Variants in SLCO3A1 observed in about 807,000 individuals in gnomAD.
SLCO3A1 encodes the protein PGE1 transporter.
A neutral mutation model predicts 63.1 loss-of-function variants in SLCO3A1; 27 were observed. The observed-to-expected ratio is 0.43, with a 90% CI of 0.32 to 0.59. The LOEUF is 0.59. SLCO3A1 is among the 20% of genes least tolerant of loss of function. SLCO3A1 has a pLI of 0.09. For synonymous variants in SLCO3A1, 473 were observed against 409.9 expected (o/e 1.15, Z -1.86); for missense variants, 773 against 945.8 (o/e 0.82, Z 2.40).
At chr15:92,006,295 G>A (rs1484207163) in intron 2 of SLCO3A1, among the ~76,000 whole-genome samples, 3 of 152,188 alleles carry the variant, frequency 2.0e-5, no homozygotes, top group African/African-American at 7.2e-5. Flanking sequence ...GCCTGACCAA[G>A]AGCTCAGAGG....
rs1167632784 is a variant in SLCO3A1, at chr15:92,084,304, C to T, written c.647-10577C>T. On this transcript the variant is annotated intron_variant, in intron 2 of 9. Coordinates refer to ENST00000318445, the MANE Select transcript of SLCO3A1 (RefSeq NM_013272.4). The stretch of plus-strand genomic sequence containing the variant: ...CTGTTAGAGGCACCAGTAAGAAGAA[C>T]AAATAACAGCTGATGGTTTTTGAGA... Among the ~76,000 whole-genome samples, 3 of 152,146 alleles carry T rather than the reference C, an allele frequency of 2.0e-5. No homozygotes were observed. In the East Asian group the frequency reaches 5.8e-4, roughly 29 times the overall value.
At chr15:92,099,375 T>G (rs1808183996) in intron 3 of SLCO3A1, among the ~76,000 whole-genome samples, 1 of 152,086 alleles carries the variant, frequency 6.6e-6, no homozygotes, top group Admixed American at 6.5e-5. Flanking sequence ...TGTAACTTAA[T>G]GATACTCTTG....
intron 2 of SLCO3A1, among the ~76,000 whole-genome samples, chr15:92,093,966 TC>T (rs2047508663): frequency 6.6e-6 from 1 of 152,156 alleles, no homozygotes; most frequent in Admixed American, 6.5e-5. Context: ...GCACTGACTG[TC>T]CTCATCAGAT....
At chr15:92,158,165 A>G (rs1209170938) in intron 9 of SLCO3A1, among the ~76,000 whole-genome samples, 1 of 152,220 alleles carries the variant, frequency 6.6e-6, no homozygotes. Context: ...TTCTCTATGT[A>G]TTAGCAACCC....
Position 91,900,872 on chromosome 15 carries a change from C to T in SLCO3A1, c.181-15121C>T. Among the ~76,000 whole-genome samples, 1 of 152,062 alleles carries T rather than the reference C, an allele frequency of 6.6e-6. No individual in the cohort carries two copies. Among genetic ancestry groups the T allele is most frequent in the Non-Finnish European group, 1.5e-5 (1 of 68,014 alleles). On this transcript the variant is annotated intron_variant, in intron 1 of 9. Coordinates refer to ENST00000318445, the MANE Select transcript of SLCO3A1 (RefSeq NM_013272.4). This position sits in a 1 kb window ranked among gnomAD's most constrained non-coding sequence, Gnocchi z 4.3. ...TAGTTTTGTTCAAATCATCTTTATC[C>T]TTACTGATTTTCTGTCTCATTGTTT...
intron 7 of SLCO3A1, among the ~76,000 whole-genome samples, chr15:92,132,312 C>T (rs1005526560): frequency 6.9e-6 from 1 of 145,414 alleles, no homozygotes; most frequent in African/African-American, 2.5e-5. Flanking sequence ...TGATATTAAA[C>T]TTTTCTTCCT....
At chr15:91,880,405 C>CTGTGTGTGTGTG (rs1234294258) in intron 1 of SLCO3A1, among the ~76,000 whole-genome samples, 45 of 142,382 alleles carry the variant, frequency 3.2e-4, no homozygotes, top group East Asian at 1.1e-3. Flanking sequence ...CTCTCTCTCT[C>CTGTGTGTGTGTG]TCTCTGTGTG....
intron 2 of SLCO3A1, among the ~76,000 whole-genome samples, chr15:91,976,521 C>A (rs762122892): frequency 1.3e-5 from 2 of 152,106 alleles, no homozygotes; most frequent in African/African-American, 4.8e-5. Flanking sequence ...TCTGTACGTG[C>A]CATTGGGCTT....
intron 2 of SLCO3A1, among the ~76,000 whole-genome samples, chr15:92,028,776 G>A (rs977558618): frequency 1.3e-5 from 2 of 152,168 alleles, no homozygotes; most frequent in Admixed American, 1.3e-4. Context: ...CATTAGATCC[G>A]AAGCCAAGTG....
intron 1 of SLCO3A1, among the ~76,000 whole-genome samples, chr15:91,879,597 T>C (rs1044214125): frequency 3.9e-5 from 6 of 151,984 alleles, no homozygotes; most frequent in African/African-American, 1.5e-4. Flanking sequence ...CTAAGAAAAA[T>C]ACGAAGAAGA....
chr15:91,983,912 A>G (rs191527905), intron 2 of SLCO3A1, among the ~76,000 whole-genome samples: 110 of 152,290 alleles, frequency 7.2e-4, no homozygotes, highest in African/African-American at 2.5e-3. Flanking sequence ...GCTGCCATCT[A>G]TTGTACAGTT....
At chr15:92,016,254 TTAGATAGATAGA>T (rs1555424441) in intron 2 of SLCO3A1, among the ~76,000 whole-genome samples, 205 of 95,708 alleles carry the variant, frequency 2.1e-3, no homozygotes, top group Non-Finnish European at 3.8e-3. Flanking sequence ...GATAGATAGA[TTAGATAGATAGA>T]TAGATAGATA....
chr15:92,145,412 G>C (rs571439780), intron 7 of SLCO3A1, among the ~76,000 whole-genome samples: 1 of 134,290 alleles, frequency 7.4e-6, no homozygotes, highest in Admixed American at 7.3e-5. Flanking sequence ...TTCTAAAGCT[G>C]TATGCTTAGT....
chr15:91,897,658 T>C lies in SLCO3A1; in HGVS notation c.181-18335T>C, dbSNP rs138039286. Among the ~76,000 whole-genome samples, 10 of 152,316 alleles carry C rather than the reference T, an allele frequency of 6.6e-5. No homozygotes were observed. The East Asian group carries it at 1.9e-3, about 29-fold the overall frequency. ...CCTAGCTGATGAAATGCTGGGACTGTCCTCTTGATAAAGTTAGTCTCCCTG... is the reference window on the plus strand; with the variant it reads ...CCTAGCTGATGAAATGCTGGGACTGCCCTCTTGATAAAGTTAGTCTCCCTG... On this transcript the variant is annotated intron_variant, in intron 1 of 9. Coordinates refer to ENST00000318445, the MANE Select transcript of SLCO3A1 (RefSeq NM_013272.4). This position sits in a 1 kb window ranked among gnomAD's most constrained non-coding sequence, Gnocchi z 4.7.
At chr15:92,082,272 A>G (rs1596083582) in intron 2 of SLCO3A1, among the ~76,000 whole-genome samples, 1 of 152,280 alleles carries the variant, frequency 6.6e-6, no homozygotes, top group Non-Finnish European at 1.5e-5. Context: ...CTCTGAGGGG[A>G]GAACTTTGAG....
intron 7 of SLCO3A1, among the ~76,000 whole-genome samples, chr15:92,146,156 T>C (rs904682744): frequency 2.0e-5 from 3 of 152,174 alleles, no homozygotes; most frequent in Non-Finnish European, 2.9e-5. Context: ...GCACTATTAT[T>C]ATGGAACCTT....
intron 2 of SLCO3A1, among the ~76,000 whole-genome samples, chr15:92,079,655 A>G (rs555896129): frequency 6.6e-6 from 1 of 152,202 alleles, no homozygotes; most frequent in East Asian, 1.9e-4. Context: ...GGGCTTCAAC[A>G]TGGATTTGAG....
chr15:91,864,845 G>A (rs932482409), intron 1 of SLCO3A1, among the ~76,000 whole-genome samples: 6 of 152,110 alleles, frequency 3.9e-5, no homozygotes, highest in Admixed American at 1.3e-4. Flanking sequence ...GTTCATTTCC[G>A]CTCTGTCACG....
rs116834223 is a variant in SLCO3A1, at chr15:92,087,719, A to G, written c.647-7162A>G. Among the ~76,000 whole-genome samples the G allele has an allele frequency of 9.3e-3, 1,413 of 151,860 alleles. 25 individuals are homozygous for G. The highest frequency in any genetic ancestry group is 0.033 in the African/African-American group (1,348 of 41,408). On this transcript the variant is annotated intron_variant, in intron 2 of 9. Coordinates refer to ENST00000318445, the MANE Select transcript of SLCO3A1 (RefSeq NM_013272.4). ...TTTTAGTAGAGTCGGGGTTGTCTCCATGTTGGTCAGGCTGGCCTTGAACTC... is the reference window on the plus strand; with the variant it reads ...TTTTAGTAGAGTCGGGGTTGTCTCCGTGTTGGTCAGGCTGGCCTTGAACTC...
Sources: allele counts gnomAD v4.1 joint callset (sites outside exome capture counted in the v4.1 genomes callset), GRCh38; gene constraint gnomAD v4.1.1; non-coding constraint Gnocchi (gnomAD v3.1); transcripts MANE v1.5; gene names NCBI Gene and HGNC (gene_info 2026-07-23, HGNC 2026-07-21).